The following PANK1 variants were observed in gnomAD, a reference collection of about 807,000 sequenced individuals.
PANK1 encodes pantothenic acid kinase 1.
Under a neutral mutation model 40.1 loss-of-function variants are expected in PANK1, and 18 were observed. The ratio of observed to expected loss-of-function variants is 0.45; its 90% CI spans 0.31 to 0.67. The LOEUF (loss-of-function observed/expected upper bound fraction) is 0.67. PANK1 is among the 30% of genes least tolerant of loss of function. PANK1 has a pLI of 0.06. For missense variants in PANK1, 457 were observed against 599.6 expected, an observed-to-expected ratio of 0.76 and a Z score of 2.48; for synonymous variants, 242 against 237.7, an observed-to-expected ratio of 1.02 and a Z score of -0.17.
At chr10:89,644,546 G>A (rs1589828175) in intron 1 of PANK1, 54 bp downstream of exon 1, 1 of 1,500,170 alleles carries the variant, frequency 6.7e-7, no homozygotes, top group Non-Finnish European at 9.0e-7. Flanking sequence ...CCAGTCCCGG[G>A]CCCCGCACGC....
chr10:89,601,905 C>G (rs896947354), intron 2 of PANK1, among the ~76,000 whole-genome samples: 5 of 152,342 alleles, frequency 3.3e-5, no homozygotes, highest in Admixed American at 3.3e-4. Context: ...ATTCCACAGC[C>G]TTCCATTGCA....
In PANK1 at chr10:89,594,431, A is replaced by G. The variant is rs950114784; in HGVS notation, c.900-442T>C. ...ACCTAGAAAAAGAATTTGTGTGTAC[A>G]TAAAGCATAGTTCAAAGCTATGAAG... On this transcript the variant is annotated intron_variant, in intron 3 of 6. Transcript: ENST00000307534. Among the ~76,000 whole-genome samples the G allele has an allele frequency of 5.2e-5, 8 of 152,394 alleles. No homozygotes were observed. The East Asian group carries it at 1.5e-3, about 29-fold the overall frequency.
chr10:89,587,254 C>T (rs540846715), intron 6 of PANK1, among the ~76,000 whole-genome samples: 7 of 152,188 alleles, frequency 4.6e-5, no homozygotes. Flanking sequence ...GTAGCCCAAG[C>T]ACTTCTGTTC....
At chr10:89,591,230 G>A (rs550615739) in intron 5 of PANK1, among the ~76,000 whole-genome samples, 8 of 151,294 alleles carry the variant, frequency 5.3e-5, no homozygotes, top group Middle Eastern at 3.2e-3. Flanking sequence ...ATTGTAATAC[G>A]TACAATAAAA....
intron 5 of PANK1, among the ~76,000 whole-genome samples, chr10:89,589,311 C>A (rs989575609): frequency 2.6e-5 from 4 of 152,168 alleles, no homozygotes; most frequent in Non-Finnish European, 5.9e-5. Flanking sequence ...GTTTGGCCAA[C>A]ACATGAGTTA....
rs182317732 is a variant in PANK1 at position 89,623,638 on chromosome 10, G to A, written c.293-11590C>T. On this transcript the variant is annotated intron_variant, in intron 1 of 6. Transcript: ENST00000307534. ...AAGAAAATGAAATTATTTTAACTTT[G>A]CTTCAGTGAACAGATAGCAGGTCTG... is the stretch of plus-strand genomic sequence containing the variant. Among the ~76,000 whole-genome samples, 473 of 151,720 alleles carry A rather than the reference G, an allele frequency of 3.1e-3. 7 individuals are homozygous for A. The highest frequency in any genetic ancestry group is 7.2e-4 in the Non-Finnish European group (49 of 67,970).
rs199540491 is a variant in PANK1 at position 89,631,976 on chromosome 10, G to GTGTGTGTGTTT, written c.292+12623_292+12624insAAACACACACA. On this transcript the variant is annotated intron_variant, in intron 1 of 6. Coordinates refer to ENST00000307534, the MANE Select transcript of PANK1 (RefSeq NM_148977.3). ...ACAGATTGTGTGTGTGTGTGTGTGTGTTTTTTTTTTTAAAAAGGGTTCTTT... is the reference window on the plus strand; with the variant it reads ...ACAGATTGTGTGTGTGTGTGTGTGTGTGTGTGTGTTTTTTTTTTTTTTAAAAAGGGTTCTTT... Among the ~76,000 whole-genome samples the GTGTGTGTGTTT allele has an allele frequency of 1.5e-4, 21 of 143,340 alleles. No homozygotes were observed. In the East Asian group the frequency reaches 2.8e-3, roughly 19 times the overall value. The allele number at this position is 143,340 out of a possible 152,430, so 94.0% of individuals were successfully genotyped here.
chr10:89,614,661 G>A (rs1163455618), intron 1 of PANK1, among the ~76,000 whole-genome samples: 4 of 152,062 alleles, frequency 2.6e-5, no homozygotes, highest in Admixed American at 1.3e-4. Flanking sequence ...GCCAGGTGTG[G>A]TGGTGCACGC....
At chr10:89,635,139 T>C (rs1188211945) in intron 1 of PANK1, among the ~76,000 whole-genome samples, 1 of 148,556 alleles carries the variant, frequency 6.7e-6, no homozygotes. Flanking sequence ...TATATATATA[T>C]ATATAGAGAG....
At chr10:89,634,991 C>T (rs1039255749) in intron 1 of PANK1, among the ~76,000 whole-genome samples, 1 of 152,104 alleles carries the variant, frequency 6.6e-6, no homozygotes, top group Non-Finnish European at 1.5e-5. Context: ...ACTCTGAAAT[C>T]CAATCTCCGA....
intron 6 of PANK1, among the ~76,000 whole-genome samples, chr10:89,586,593 T>C (rs1016625509): frequency 6.6e-6 from 1 of 152,198 alleles, no homozygotes; most frequent in Non-Finnish European, 1.5e-5. Context: ...TCTAAATGCA[T>C]TGGTAACTTC....
At chr10:89,636,633 A>G (rs970333582) in intron 1 of PANK1, among the ~76,000 whole-genome samples, 2 of 151,162 alleles carry the variant, frequency 1.3e-5, no homozygotes, top group Non-Finnish European at 2.9e-5. Flanking sequence ...TTGTATTTTT[A>G]GTAGAGACGG....
chr10:89,598,070 A>G (rs1362127656), intron 3 of PANK1, among the ~76,000 whole-genome samples: 2 of 152,192 alleles, frequency 1.3e-5, no homozygotes, highest in Non-Finnish European at 2.9e-5. Context: ...TTGAGGCTCA[A>G]TAATTTTTTG....
At chr10:89,594,331 A>G (rs1380181260) in intron 3 of PANK1, among the ~76,000 whole-genome samples, 1 of 152,184 alleles carries the variant, frequency 6.6e-6, no homozygotes, top group African/African-American at 2.4e-5. Flanking sequence ...GATCTCTTCT[A>G]TTTGGGTGGT....
At chr10:89,582,966 A>G (rs187667912), downstream of PANK1, 101 of 152,334 alleles carry the variant, frequency 6.6e-4, no homozygotes, top group African/African-American at 2.4e-3. Context: ...AAGAAATGAA[A>G]ATAACATATA....
intron 1 of PANK1, among the ~76,000 whole-genome samples, chr10:89,620,771 A>AG (rs1396026057): frequency 6.6e-6 from 1 of 152,118 alleles, no homozygotes; most frequent in Non-Finnish European, 1.5e-5. Context: ...TTTGTAGCTC[A>AG]GGGGGCATCA....
chr10:89,588,831 G>C, intron 5 of PANK1, 54 bp from the exon 6 acceptor site: 1 of 1,360,554 alleles, frequency 7.3e-7, no homozygotes, highest in Non-Finnish European at 1.0e-6. Flanking sequence ...ATAGCATTTG[G>C]CAAAGACCCA....
At position 89,588,759 on chromosome 10, in the gene PANK1, A is replaced by G; in HGVS notation, c.1219T>C (p.Phe407Leu). 1 of 1,597,402 alleles carries G rather than the reference A, an allele frequency of 6.3e-7. No individual in the cohort carries two copies. Among genetic ancestry groups the G allele is most frequent in the South Asian group, 1.1e-5 (1 of 87,670 alleles). ...TTGATTCTGAGAAAATTTCCAACAA[A>G]CACAACTCTGTCTATGTTCTGGAAA... Reference protein sequence around the residue: ...ALNENIDRVVFVGNFLRINMV... With the variant: ...ALNENIDRVVLVGNFLRINMV... Residue 407 changes from phenylalanine (F) to leucine (L), a missense_variant, in exon 6 of 7, where the codon TTT (phenylalanine) becomes CTT (leucine). Around this residue, in one of 4 missense-constraint regions of PANK1, gnomAD observed 286 missense variants for 415.8 expected, o/e 0.69. Transcript: ENST00000307534.
chr10:89,630,659 A>AT (rs1564635875), intron 1 of PANK1, among the ~76,000 whole-genome samples: 1 of 151,782 alleles, frequency 6.6e-6, no homozygotes. Context: ...CGCCCGGCTA[A>AT]TTTTTTGTAT....
Sources: gnomAD v4.1 joint callset for allele counts (sites outside exome capture counted in the v4.1 genomes callset) on GRCh38, gnomAD v4.1.1 for gene constraint, gnomAD v4.1.1 regional missense constraint, MANE v1.5 for transcripts, NCBI Gene and HGNC (gene_info 2026-07-23, HGNC 2026-07-21) for gene names.